The following FEZ2 variants were observed in gnomAD, a reference collection of about 807,000 sequenced individuals.
The protein encoded by FEZ2 is fasciculation and elongation protein zeta-2.
Under a neutral mutation model 40.4 loss-of-function variants are expected in FEZ2, and 51 were observed. The observed-to-expected ratio is 1.26, with a 90% CI of 1.01 to 1.59. The LOEUF (loss-of-function observed/expected upper bound fraction) is 1.59. Among genes scored for constraint, FEZ2 ranks in the 40% most tolerant of loss-of-function variants. The pLI, the probability that FEZ2 is intolerant of heterozygous loss-of-function variation, is 0.00. For missense variants in FEZ2, 640 were observed against 438.3 expected (o/e 1.46, Z -4.11); for synonymous variants, 242 against 172.0 (o/e 1.41, Z -3.18).
chr2:36,580,442 G>C (rs533781920), intron 4 of FEZ2, among the ~76,000 whole-genome samples: 2 of 152,308 alleles, frequency 1.3e-5, no homozygotes, highest in Non-Finnish European at 2.9e-5. Context: ...TTCAAGGAAG[G>C]GACCAGTCAT....
intron 1 of FEZ2, among the ~76,000 whole-genome samples, chr2:36,592,388 C>T (rs1424268547): frequency 6.6e-6 from 1 of 151,850 alleles, no homozygotes; most frequent in East Asian, 1.9e-4. Flanking sequence ...AGGTATTAAG[C>T]CCAAGAATGA....
intron 6 of FEZ2, 145 bp from the exon 7 acceptor site, chr2:36,555,893 G>C: frequency 1.5e-6 from 1 of 664,428 alleles, no homozygotes; most frequent in East Asian, 2.8e-5. Flanking sequence ...TCCTGATAAG[G>C]GGATACAACA....
chr2:36,586,084 A>T (rs1668891055), intron 2 of FEZ2, among the ~76,000 whole-genome samples: 1 of 152,150 alleles, frequency 6.6e-6, no homozygotes. Context: ...TTAAAGAAGG[A>T]GAAAGATCAA....
In FEZ2 at chr2:36,552,784, T is replaced by C. The variant is rs922872593; in HGVS notation, c.*379A>G. The C allele has an allele frequency of 1.3e-4, 28 of 211,084 alleles. No individual in the cohort carries two copies. Among genetic ancestry groups the C allele is most frequent in the Admixed American group, 4.3e-4 (8 of 18,778 alleles). The allele number at this position is 211,084 out of a possible 1,614,324, so 13.1% of individuals were successfully genotyped here. A position where few individuals can be genotyped will look rare whatever the true frequency, so the allele number is the denominator to read the frequency against. The stretch of plus-strand genomic sequence containing the variant: ...TTGGTTCTTGCCATCACTGAATTTA[T>C]AGTATAAATCTCCCAAGGCTTTAAT... On this transcript the variant is annotated 3_prime_UTR_variant, in exon 8 of 8. Transcript: ENST00000405912.
Position 36,558,523 on chromosome 2 carries a change from T to TAA in FEZ2, c.904-11_904-10insTT. 4.7e-6 allele frequency: 7 copies of TAA among 1,474,014 alleles called. No homozygotes were observed. Among genetic ancestry groups the TAA allele is most frequent in the Non-Finnish European group, 5.4e-6 (6 of 1,104,246 alleles). 91.3% of individuals were successfully genotyped at this position (1,474,014 alleles called of 1,614,324 possible). On this transcript the variant is annotated splice_polypyrimidine_tract_variant and intron_variant, in intron 5 of 7. Transcript: ENST00000405912. ...TGACTGTAGTCAAATACTGCCAAGTTTAAAAAAAAAAAGTGTCACTTAAAT... is the reference window on the plus strand; with the variant it reads ...TGACTGTAGTCAAATACTGCCAAGTTAATAAAAAAAAAAAGTGTCACTTAAAT...
At chr2:36,576,642 A>T (rs1181311213) in intron 5 of FEZ2, among the ~76,000 whole-genome samples, 1 of 152,220 alleles carries the variant, frequency 6.6e-6, no homozygotes, top group Non-Finnish European at 1.5e-5. Context: ...GAACTGATTA[A>T]AATTTTTGAC....
At chr2:36,558,342 G>T in intron 6 of FEZ2, 96 bp downstream of exon 6, 3 of 697,998 alleles carry the variant, frequency 4.3e-6, no homozygotes, top group Non-Finnish European at 6.9e-6. Flanking sequence ...ATCCTAAACT[G>T]ACAAAACACT....
intron 1 of FEZ2, among the ~76,000 whole-genome samples, chr2:36,597,299 C>A (rs1669255706): frequency 6.6e-6 from 1 of 152,164 alleles, no homozygotes; most frequent in Non-Finnish European, 1.5e-5. Context: ...TTGCACATTT[C>A]TTTATAAAGT....
At position 36,581,382 on chromosome 2, in the gene FEZ2, T is replaced by C; in HGVS notation, c.542A>G (p.Asp181Gly). ...EMMQESPDPEDDETPTQSDRL... is the reference protein window; with the variant it reads ...EMMQESPDPEGDETPTQSDRL... ...ATCTGACTGTGTAGGGGTTTCATCA[T>C]CTTCTGGGTCCGGTGATTCCTGCAT... is the stretch of plus-strand genomic sequence containing the variant. Residue 181 changes from aspartate to glycine, a missense_variant, in exon 4 of 8, where the codon GAT becomes GGT. Coordinates refer to ENST00000405912, the MANE Select transcript of FEZ2 (RefSeq NM_005102.3). 1 of 1,613,610 alleles carries C rather than the reference T, an allele frequency of 6.2e-7. No individual in the cohort carries two copies. Among genetic ancestry groups the C allele is most frequent in the East Asian group, 2.2e-5 (1 of 44,864 alleles).
At chr2:36,566,563 G>T (rs988546485) in intron 5 of FEZ2, among the ~76,000 whole-genome samples, 1 of 152,158 alleles carries the variant, frequency 6.6e-6, no homozygotes, top group Non-Finnish European at 1.5e-5. Flanking sequence ...GGAGGCATCT[G>T]ACTGATAGTC....
At chr2:36,558,156 A>T (rs1360648652) in intron 6 of FEZ2, 1 of 233,132 alleles carries the variant, frequency 4.3e-6, no homozygotes, top group African/African-American at 2.2e-5. Context: ...TTAAACATGT[A>T]AGAGATGATG....
chr2:36,557,130 GT>G (rs1667978277), intron 6 of FEZ2: 1 of 152,104 alleles, frequency 6.6e-6, no homozygotes, highest in Non-Finnish European at 1.5e-5. Flanking sequence ...TTCCAATCAT[GT>G]TTAAAATTTT....
At chr2:36,563,532 A>G (rs1362005125) in intron 5 of FEZ2, among the ~76,000 whole-genome samples, 1 of 151,832 alleles carries the variant, frequency 6.6e-6, no homozygotes, top group African/African-American at 2.4e-5. Flanking sequence ...AGAAAAAAAA[A>G]AAAAACTAAA....
intron 5 of FEZ2, among the ~76,000 whole-genome samples, chr2:36,565,585 T>C (rs1668214186): frequency 6.6e-6 from 1 of 152,148 alleles, no homozygotes; most frequent in Non-Finnish European, 1.5e-5. Flanking sequence ...CTCCTCCTTC[T>C]ACCTGACCTC....
chr2:36,593,841 TG>T (rs1247671776), intron 1 of FEZ2, among the ~76,000 whole-genome samples: 3 of 142,006 alleles, frequency 2.1e-5, no homozygotes, highest in Non-Finnish European at 3.0e-5. Context: ...CCCCAGAAAA[TG>T]GGTTTTTTTT....
intron 5 of FEZ2, among the ~76,000 whole-genome samples, chr2:36,566,699 G>T (rs191471908): frequency 1.3e-5 from 2 of 152,116 alleles, no homozygotes; most frequent in Admixed American, 6.5e-5. Flanking sequence ...TTTTTAAACG[G>T]TCAACTTGGA....
chr2:36,595,424 G>C (rs147117735), intron 1 of FEZ2, among the ~76,000 whole-genome samples: 1 of 152,022 alleles, frequency 6.6e-6, no homozygotes, highest in Non-Finnish European at 1.5e-5. Flanking sequence ...ACCCTCACTT[G>C]TGCAGTTCAC....
intron 5 of FEZ2, among the ~76,000 whole-genome samples, chr2:36,575,165 G>A (rs893438154): frequency 4.6e-5 from 7 of 152,080 alleles, no homozygotes; most frequent in Non-Finnish European, 7.4e-5. Context: ...CATGGGATGG[G>A]CCTCATCTAT....
intron 5 of FEZ2, among the ~76,000 whole-genome samples, chr2:36,563,685 C>CGA (rs1236949107): frequency 6.6e-6 from 1 of 152,136 alleles, no homozygotes; most frequent in Non-Finnish European, 1.5e-5. Flanking sequence ...GACAGCATCC[C>CGA]GAAATTCTCA....
Sources: allele counts gnomAD v4.1 joint callset (sites outside exome capture counted in the v4.1 genomes callset), GRCh38; gene constraint gnomAD v4.1.1; transcripts MANE v1.5; gene names NCBI Gene and HGNC (gene_info 2026-07-23, HGNC 2026-07-21).